TOX: variants seen among roughly 807,000 people sequenced by gnomAD.
TOX encodes the protein thymocyte selection associated high mobility group box.
TOX carries 11 observed loss-of-function variants against 53.7 expected under a neutral mutation model. That is an observed-to-expected ratio of 0.20 (90% CI 0.13 to 0.34). The LOEUF is 0.34. TOX is among the 10% of genes least tolerant of loss of function. TOX has a pLI of 1.00. For synonymous variants in TOX, 225 were observed against 245.3 expected (o/e 0.92, Z 0.77); for missense variants, 570 against 664.6 (o/e 0.86, Z 1.56).
At chr8:58,998,493 G>GTATATATATATATATATATA (rs61434586) in intron 1 of TOX, among the ~76,000 whole-genome samples, 6 of 63,614 alleles carry the variant, frequency 9.4e-5, no homozygotes, top group Non-Finnish European at 1.2e-4. Context: ...CATCTCAAAA[G>GTATATATATATATATATATA]TATATATATA....
intron 1 of TOX, among the ~76,000 whole-genome samples, chr8:59,063,022 A>T (rs866559792): frequency 4.0e-4 from 61 of 152,280 alleles, no homozygotes; most frequent in Middle Eastern, 3.4e-3. Flanking sequence ...TTTATTGCCT[A>T]TGTTTTCAGT....
intron 1 of TOX, among the ~76,000 whole-genome samples, chr8:59,043,737 A>G (rs1803637543): frequency 6.6e-6 from 1 of 152,218 alleles, no homozygotes; most frequent in African/African-American, 2.4e-5. Context: ...GAAATGCGAG[A>G]TGGATGGGTA....
intron 1 of TOX, among the ~76,000 whole-genome samples, chr8:59,070,162 C>T (rs1804167955): frequency 6.6e-6 from 1 of 152,140 alleles, no homozygotes; most frequent in African/African-American, 2.4e-5. Context: ...TCAAAATAAA[C>T]TTACAAGTGA....
In TOX at chr8:58,959,462, C is replaced by A. The variant is rs182337239; in HGVS notation, c.168+481G>T. Among the ~76,000 whole-genome samples the A allele has an allele frequency of 5.3e-4, 80 of 152,252 alleles. 1 individual carries two copies. Among genetic ancestry groups the A allele is most frequent in the Middle Eastern group, 3.4e-3 (1 of 294 alleles). ...TTTTGGCCTGAAAGCTCCTCCCCAG[C>A]CCCCACTCCTTACCTCCCCAGGAGA... is the stretch of plus-strand genomic sequence containing the variant. On this transcript the variant is annotated intron_variant, in intron 2 of 8. Coordinates refer to ENST00000361421, the MANE Select transcript of TOX (RefSeq NM_014729.3).
At chr8:59,062,432 T>G (rs552275191) in intron 1 of TOX, among the ~76,000 whole-genome samples, 1 of 152,356 alleles carries the variant, frequency 6.6e-6, no homozygotes, top group Non-Finnish European at 1.5e-5. Context: ...CATAAAAGCA[T>G]ATTAATTTTA....
At chr8:59,069,638 C>T (rs1804157821) in intron 1 of TOX, among the ~76,000 whole-genome samples, 1 of 151,924 alleles carries the variant, frequency 6.6e-6, no homozygotes, top group African/African-American at 2.4e-5. Flanking sequence ...CTTTGGCAGG[C>T]TCAGCACACT....
At chr8:58,824,560 C>G (rs1165021510) in intron 6 of TOX, among the ~76,000 whole-genome samples, 1 of 152,196 alleles carries the variant, frequency 6.6e-6, no homozygotes, top group African/African-American at 2.4e-5. Context: ...CCAGCTCTTT[C>G]CTCTGGCTCT....
chr8:59,021,573 G>A (rs1814137131), intron 1 of TOX, among the ~76,000 whole-genome samples: 1 of 147,812 alleles, frequency 6.8e-6, no homozygotes. Context: ...TTTCTTAACT[G>A]AGCAGGTAAT....
intron 1 of TOX, among the ~76,000 whole-genome samples, chr8:59,085,542 C>T (rs1409083679): frequency 6.6e-6 from 1 of 152,140 alleles, no homozygotes; most frequent in African/African-American, 2.4e-5. Context: ...GCATGCGCCA[C>T]CACACTTGGC....
intron 1 of TOX, among the ~76,000 whole-genome samples, chr8:58,962,915 T>A (rs1338786321): frequency 6.6e-6 from 1 of 152,204 alleles, no homozygotes; most frequent in East Asian, 1.9e-4. Flanking sequence ...CAAACATTCT[T>A]CTGGGTGTGT....
chr8:59,007,936 C>T (rs1033742388), intron 1 of TOX, among the ~76,000 whole-genome samples: 49 of 152,304 alleles, frequency 3.2e-4, no homozygotes, highest in Admixed American at 1.3e-3. Context: ...CTTAAGAAGA[C>T]CTTAGTTACT....
At chr8:58,963,685 G>T (rs1457065258) in intron 1 of TOX, among the ~76,000 whole-genome samples, 1 of 151,990 alleles carries the variant, frequency 6.6e-6, no homozygotes, top group Non-Finnish European at 1.5e-5. Context: ...GTGTTTTGTA[G>T]ACTCCTCACC....
At chr8:59,081,782 A>T (rs1423781383) in intron 1 of TOX, among the ~76,000 whole-genome samples, 2 of 152,176 alleles carry the variant, frequency 1.3e-5, no homozygotes, top group Non-Finnish European at 2.9e-5. Context: ...GAGGCAAAGG[A>T]ATAACAGGTA....
At chr8:58,840,166 T>C (rs1271336557) in intron 4 of TOX, among the ~76,000 whole-genome samples, 3 of 152,234 alleles carry the variant, frequency 2.0e-5, no homozygotes, top group East Asian at 1.9e-4. Context: ...CGAAAAGAGA[T>C]AAGCAAAAGC....
chr8:59,072,485 A>G (rs1389881319), intron 1 of TOX, among the ~76,000 whole-genome samples: 1 of 152,212 alleles, frequency 6.6e-6, no homozygotes, highest in Non-Finnish European at 1.5e-5. Flanking sequence ...GATGCACAGG[A>G]TATTAAAAAT....
chr8:58,814,715 A>T (rs937122325), intron 7 of TOX, among the ~76,000 whole-genome samples: 3 of 152,248 alleles, frequency 2.0e-5, no homozygotes, highest in Non-Finnish European at 2.9e-5. Flanking sequence ...CTAAAATTGC[A>T]CACAAATGGT....
chr8:58,998,558 T>TTA (rs10644127), intron 1 of TOX, among the ~76,000 whole-genome samples: 17,139 of 34,204 alleles, frequency 0.5, 4,905 homozygotes, highest in Non-Finnish European at 0.58. Context: ...TATAATAAAT[T>TTA]TATGTAATAA....
intron 5 of TOX, among the ~76,000 whole-genome samples, chr8:58,833,390 T>C (rs1240178323): frequency 6.6e-6 from 1 of 152,148 alleles, no homozygotes; most frequent in Non-Finnish European, 1.5e-5. Context: ...CGGGACGAGC[T>C]CTTTTATTTT....
intron 1 of TOX, among the ~76,000 whole-genome samples, chr8:59,083,360 C>T (rs1804445753): frequency 1.3e-5 from 2 of 152,012 alleles, no homozygotes; most frequent in African/African-American, 4.8e-5. Context: ...GGGAAAAGAC[C>T]TTAACAATCA....
Sources: gnomAD v4.1 joint callset for allele counts (sites outside exome capture counted in the v4.1 genomes callset) on GRCh38, gnomAD v4.1.1 for gene constraint, MANE v1.5 for transcripts, NCBI Gene and HGNC (gene_info 2026-07-23, HGNC 2026-07-21) for gene names.